The following SEMA3A variants were observed in gnomAD, a reference collection of about 807,000 sequenced individuals.
SEMA3A encodes semaphorin-3A.
In SEMA3A, 29 loss-of-function variants were observed where a neutral mutation model predicts 97.9. That is an observed-to-expected ratio of 0.30 (90% CI 0.22 to 0.40). The LOEUF is 0.40. SEMA3A is among the 10% of genes least tolerant of loss of function. The pLI is 1.00. For missense variants in SEMA3A, 763 were observed against 951.3 expected (o/e 0.80, Z 2.60); for synonymous variants, 321 against 323.7 (o/e 0.99, Z 0.09).
intron 4 of SEMA3A, among the ~76,000 whole-genome samples, chr7:84,091,811 T>C (rs772326197): frequency 6.6e-6 from 1 of 152,146 alleles, no homozygotes; most frequent in Non-Finnish European, 1.5e-5. Flanking sequence ...TAGAGCCAGT[T>C]TGATGATAAT....
intron 1 of SEMA3A, among the ~76,000 whole-genome samples, chr7:84,385,086 CACACACACACAA>C (rs961574897): frequency 6.7e-6 from 1 of 150,054 alleles, no homozygotes; most frequent in African/African-American, 2.5e-5. Context: ...CACACACACA[CACACACACACAA>C]ACACTCAATT....
chr7:84,386,171 GTAC>G (rs1803389809), intron 1 of SEMA3A, among the ~76,000 whole-genome samples: 1 of 152,004 alleles, frequency 6.6e-6, no homozygotes, highest in South Asian at 2.1e-4. Context: ...CTCACTTCTG[GTAC>G]TAATTTCTAC....
chr7:84,195,020 G>C (rs957780917), upstream of SEMA3A: 1 of 107,458 alleles, frequency 9.3e-6, no homozygotes, highest in Non-Finnish European at 2.0e-5. Flanking sequence ...GAGAGAGAGA[G>C]AGAAAGAGAG....
chr7:84,024,562 C>G (rs1297305715), intron 6 of SEMA3A, among the ~76,000 whole-genome samples: 1 of 151,790 alleles, frequency 6.6e-6, no homozygotes, highest in East Asian at 1.9e-4. Flanking sequence ...CCAATGCCCC[C>G]CCACAATAAA....
chr7:83,972,327 G>A (rs188338533), intron 15 of SEMA3A, among the ~76,000 whole-genome samples: 81 of 151,862 alleles, frequency 5.3e-4, no homozygotes, highest in African/African-American at 1.6e-3. Flanking sequence ...AATATGCTTC[G>A]TATAGGGCAG....
At chr7:84,109,345 G>A (rs1288896871) in intron 4 of SEMA3A, among the ~76,000 whole-genome samples, 1 of 152,160 alleles carries the variant, frequency 6.6e-6, no homozygotes, top group African/African-American at 2.4e-5. Flanking sequence ...AAGAGAAGAA[G>A]GAAGGATGTG....
chr7:84,199,427 A>C, upstream of SEMA3A, among the ~76,000 whole-genome samples: 1 of 124,506 alleles, frequency 8.0e-6, no homozygotes, highest in East Asian at 2.2e-4. Flanking sequence ...TAAATGAGTT[A>C]GTTAATCTGT....
intron 5 of SEMA3A, among the ~76,000 whole-genome samples, chr7:84,052,456 A>T (rs892852276): frequency 6.6e-6 from 1 of 152,144 alleles, no homozygotes; most frequent in Non-Finnish European, 1.5e-5. Context: ...GTATGTGTCG[A>T]GGAATTTATC....
At chr7:84,344,053 T>A (rs970439868) in intron 2 of SEMA3A, among the ~76,000 whole-genome samples, 1 of 151,976 alleles carries the variant, frequency 6.6e-6, no homozygotes, top group African/African-American at 2.4e-5. Flanking sequence ...ATAGACATTA[T>A]TTAAAGAAAG....
intron 3 of SEMA3A, 107 bp from the exon 4 acceptor site, chr7:84,110,696 T>TC (rs1416252846): frequency 7.8e-7 from 1 of 1,284,312 alleles, no homozygotes; most frequent in African/African-American, 1.5e-5. Flanking sequence ...TTTCTTTCTT[T>TC]TTTTTTTTTT....
At chr7:84,154,928 A>G (rs1358975304) in intron 1 of SEMA3A, among the ~76,000 whole-genome samples, 2 of 152,038 alleles carry the variant, frequency 1.3e-5, no homozygotes, top group African/African-American at 2.4e-5. Context: ...TTTTTGGTCA[A>G]GCCTTTCTGT....
chr7:84,194,604 T>C lies in SEMA3A; in HGVS notation c.-18A>G. 6.8e-7 allele frequency: 1 copy of C among 1,471,310 alleles called. No individual in the cohort carries two copies. The highest frequency in any genetic ancestry group is 9.5e-7 in the Non-Finnish European group (1 of 1,050,560). The allele number at this position is 1,471,310 out of a possible 1,614,324, so 91.1% of individuals were successfully genotyped here. A position where few individuals can be genotyped will look rare whatever the true frequency, so the allele number is the denominator to read the frequency against. ...CAGCCCATGCTGCAGACGCTGTAGG[T>C]CCCTTTGCTGCTTTAGTCTTCCTTC... On this transcript the variant is annotated 5_prime_UTR_variant, in exon 1 of 17. Coordinates refer to ENST00000265362, the MANE Select transcript of SEMA3A (RefSeq NM_006080.3).
chr7:84,318,775 T>G (rs1212523202), intron 2 of SEMA3A, among the ~76,000 whole-genome samples: 1 of 152,210 alleles, frequency 6.6e-6, no homozygotes, highest in Non-Finnish European at 1.5e-5. Flanking sequence ...AATCCCATCA[T>G]ACCCAGATTA....
chr7:84,028,056 C>T lies in SEMA3A; in HGVS notation c.668-13705G>A, dbSNP rs780350260. On this transcript the variant is annotated intron_variant, in intron 6 of 16. Coordinates refer to ENST00000265362, the MANE Select transcript of SEMA3A (RefSeq NM_006080.3). ...TATTAATCATGTAAGAAGGGTGTAC[C>T]GATGTCCGAAGCTACTTTGTCTTAA... Among the ~76,000 whole-genome samples, 23 of 151,912 alleles carry T rather than the reference C, an allele frequency of 1.5e-4. No individual in the cohort carries two copies. The East Asian group carries it at 3.7e-3, about 24-fold the overall frequency.
In SEMA3A at chr7:84,155,825, T is replaced by C. The variant is rs184493917; in HGVS notation, c.113-20874A>G. 2.0e-5 allele frequency among the ~76,000 whole-genome samples: 3 copies of C among 152,268 alleles called. No homozygotes were observed. In the East Asian group the frequency reaches 5.8e-4, roughly 29 times the overall value. Reference sequence around the variant, plus strand: ...TTTTCAGATTCAAACATATTTAGTTTAACTGTAGGGTAAAAGAAGATTCAG... The same window carrying C: ...TTTTCAGATTCAAACATATTTAGTTCAACTGTAGGGTAAAAGAAGATTCAG... On this transcript the variant is annotated intron_variant, in intron 1 of 16. Transcript: ENST00000265362.
At chr7:84,144,715 G>C (rs990015000) in intron 1 of SEMA3A, among the ~76,000 whole-genome samples, 1 of 152,124 alleles carries the variant, frequency 6.6e-6, no homozygotes. Flanking sequence ...TCAAATGAGA[G>C]AGGCATCTCC....
chr7:84,097,721 A>C (rs1280641141), intron 4 of SEMA3A, among the ~76,000 whole-genome samples: 2 of 152,198 alleles, frequency 1.3e-5, no homozygotes, highest in African/African-American at 4.8e-5. Context: ...TTAAAGCTGT[A>C]TTTGGGTAGT....
chr7:84,436,400 C>A (rs966858739), intron 1 of SEMA3A, among the ~76,000 whole-genome samples: 1 of 152,128 alleles, frequency 6.6e-6, no homozygotes, highest in African/African-American at 2.4e-5. Flanking sequence ...AGACAACCTA[C>A]ACAATGGAAG....
chr7:84,315,903 T>A (rs1030680132), intron 2 of SEMA3A, among the ~76,000 whole-genome samples: 7 of 151,876 alleles, frequency 4.6e-5, no homozygotes, highest in African/African-American at 1.7e-4. Context: ...TTTCACATTT[T>A]ATGATTTTAT....
Sources: allele counts gnomAD v4.1 joint callset (sites outside exome capture counted in the v4.1 genomes callset), GRCh38; gene constraint gnomAD v4.1.1; transcripts MANE v1.5; gene names NCBI Gene and HGNC (gene_info 2026-07-23, HGNC 2026-07-21).